Variants in RAD52 observed in about 807,000 individuals in gnomAD.
The protein encoded by RAD52 is RAD52 DNA repair protein.
RAD52 carries 47 observed loss-of-function variants against 55.5 expected under a neutral mutation model. The ratio of observed to expected loss-of-function variants is 0.85; its 90% CI spans 0.67 to 1.08. The LOEUF is 1.08. Among genes scored for constraint, RAD52 ranks in the 50% least tolerant of loss-of-function variants. The pLI, the probability that RAD52 is intolerant of heterozygous loss-of-function variation, is 0.00. For missense variants in RAD52, 468 were observed against 522.8 expected (o/e 0.90, Z 1.02); for synonymous variants, 184 against 198.9 (o/e 0.92, Z 0.63).
chr12:990,795 G>A (rs1959175196), upstream of RAD52, among the ~76,000 whole-genome samples: 1 of 152,140 alleles, frequency 6.6e-6, no homozygotes, highest in South Asian at 2.1e-4. Context: ...AGGGGGTGGG[G>A]CGCCGCTTAG....
intron 1 of RAD52, among the ~76,000 whole-genome samples, chr12:981,862 G>T (rs1286560138): frequency 1.3e-5 from 2 of 152,156 alleles, no homozygotes; most frequent in African/African-American, 4.8e-5. Context: ...ATTGTCTTTG[G>T]CTTGACGCTC....
At chr12:959,623 T>C (rs1565703356) in intron 1 of RAD52, among the ~76,000 whole-genome samples, 2 of 152,196 alleles carry the variant, frequency 1.3e-5, no homozygotes, top group Non-Finnish European at 2.9e-5. Flanking sequence ...CAGCAGACAG[T>C]GGTTCATGAA....
At chr12:970,009 TCTGGTGATATAATTTA>T (rs1187727950) in intron 1 of RAD52, among the ~76,000 whole-genome samples, 2 of 151,898 alleles carry the variant, frequency 1.3e-5, no homozygotes. Flanking sequence ...CCACTCCATT[TCTGGTGATATAATTTA>T]GGGCTGGGCG....
chr12:959,538 C>T (rs1958655947), intron 1 of RAD52, among the ~76,000 whole-genome samples: 1 of 152,182 alleles, frequency 6.6e-6, no homozygotes, highest in Non-Finnish European at 1.5e-5. Context: ...CCAATCATGG[C>T]TAAGGCTGGG....
At chr12:926,356 T>C (rs1957036048) in intron 6 of RAD52, among the ~76,000 whole-genome samples, 1 of 151,192 alleles carries the variant, frequency 6.6e-6, no homozygotes, top group Non-Finnish European at 1.5e-5. Context: ...TTTTTTTAAT[T>C]AACTGGGGGT....
intron 1 of RAD52, among the ~76,000 whole-genome samples, chr12:948,422 G>C (rs147570025): frequency 6.8e-4 from 103 of 152,288 alleles, no homozygotes; most frequent in African/African-American, 2.1e-3. Context: ...AATTTAGACT[G>C]GGTGTGGTGG....
At chr12:957,466 CAAAAAAAA>C (rs71055109) in intron 1 of RAD52, among the ~76,000 whole-genome samples, 452 of 44,068 alleles carry the variant, frequency 0.01, 1 homozygote, top group African/African-American at 0.04. Context: ...AACTTCGTCT[CAAAAAAAA>C]AAAAAAAAAA....
chr12:926,012 C>CA (rs952185001), intron 6 of RAD52, among the ~76,000 whole-genome samples: 3 of 152,144 alleles, frequency 2.0e-5, no homozygotes, highest in Non-Finnish European at 2.9e-5. Context: ...CTTCAATTCT[C>CA]AAAGACACGG....
intron 8 of RAD52, 29 bp from the exon 9 acceptor site, chr12:916,512 G>C (rs753326484): frequency 1.2e-6 from 2 of 1,605,948 alleles, no homozygotes; most frequent in Non-Finnish European, 1.7e-6. Flanking sequence ...GCGAGGACGG[G>C]CTCCTGAGCA....
At chr12:991,041 A>G (rs1398373069), upstream of RAD52, 1 of 151,556 alleles carries the variant, frequency 6.6e-6, no homozygotes, top group African/African-American at 2.4e-5. Flanking sequence ...CCCGCTTCCC[A>G]GTTCCTCACC....
chr12:962,343 C>CT (rs72427284), intron 1 of RAD52, among the ~76,000 whole-genome samples: 1,212 of 16,924 alleles, frequency 0.072, 26 homozygotes, highest in African/African-American at 0.12. Context: ...GCTTTCTTTC[C>CT]TTTTTTTTTT....
intron 1 of RAD52, among the ~76,000 whole-genome samples, chr12:943,898 G>A (rs943293118): frequency 4.0e-5 from 6 of 151,440 alleles, no homozygotes; most frequent in South Asian, 2.1e-4. Flanking sequence ...GAAGCCTCAC[G>A]GTTTTCTAAT....
rs1240742335 is a variant in RAD52 at position 949,671 on chromosome 12, G to A, written c.-88C>T. 2 of 152,184 alleles carry A rather than the reference G, an allele frequency of 1.3e-5. No homozygotes were observed. Among genetic ancestry groups the A allele is most frequent in the East Asian group, 3.9e-4 (2 of 5,184 alleles). 9.4% of individuals were successfully genotyped at this position (152,184 alleles called of 1,614,324 possible). A position where few individuals can be genotyped will look rare whatever the true frequency, so the allele number is the denominator to read the frequency against. On this transcript the variant is annotated 5_prime_UTR_variant, in exon 1 of 12. Transcript: ENST00000358495. ...CTATGGACAAGGGGAAGAGATCTTA[G>A]ATGGAGGCCGCGCAGAGGAGAATGG...
intron 5 of RAD52, chr12:929,557 CA>C: frequency 5.9e-6 from 4 of 681,412 alleles, no homozygotes; most frequent in Admixed American, 2.1e-5. Context: ...TACCATATGC[CA>C]AAAAATACAT....
At chr12:935,415 T>C (rs573990217) in intron 1 of RAD52, among the ~76,000 whole-genome samples, 6 of 150,910 alleles carry the variant, frequency 4.0e-5, no homozygotes, top group Non-Finnish European at 7.4e-5. Context: ...CGTTTCGCTC[T>C]TGTCGCCTAG....
chr12:972,532 C>T (rs1405099656), intron 1 of RAD52, among the ~76,000 whole-genome samples: 7 of 151,554 alleles, frequency 4.6e-5, no homozygotes, highest in South Asian at 2.1e-4. Flanking sequence ...TTTGGGAGGC[C>T]GAGGAGGGCG....
intron 7 of RAD52, among the ~76,000 whole-genome samples, chr12:920,723 C>T (rs909007586): frequency 1.3e-5 from 2 of 152,042 alleles, no homozygotes; most frequent in African/African-American, 4.8e-5. Context: ...ACTCAACTTT[C>T]AATAATAGAT....
Position 914,443 on chromosome 12 carries a change from G to C in RAD52, c.955C>G (p.Gln319Glu), listed in dbSNP as rs1956249178. ...TCAAGGTATTTACTGATTAATTCTT[G>C]AGTCACTCCTGCAAGGAAGTCTTTC... The part of the protein sequence containing the change: ...LEKDFLAGVT[Q>E]ELIKTLEDNS... Residue 319 changes from glutamine (Q) to glutamate (E), a missense_variant, in exon 10 of 12, where the codon CAA (glutamine) becomes GAA (glutamate). Gln to Glu is a conservative substitution (Grantham distance 29). Coordinates refer to ENST00000358495, the MANE Select transcript of RAD52 (RefSeq NM_134424.4). 1.2e-6 allele frequency: 2 copies of C among 1,613,804 alleles called. No individual in the cohort carries two copies. The highest frequency in any genetic ancestry group is 3.3e-5 in the Admixed American group (2 of 59,960).
intron 1 of RAD52, among the ~76,000 whole-genome samples, chr12:961,044 G>A (rs1369914664): frequency 1.3e-5 from 2 of 152,002 alleles, no homozygotes; most frequent in Admixed American, 6.6e-5. Flanking sequence ...GGGGCCGGGT[G>A]CAGTGGCTCA....
Sources: gnomAD v4.1 joint callset for allele counts (sites outside exome capture counted in the v4.1 genomes callset) on GRCh38, gnomAD v4.1.1 for gene constraint, MANE v1.5 for transcripts, NCBI Gene and HGNC (gene_info 2026-07-23, HGNC 2026-07-21) for gene names.